The following TP63 variants were observed in gnomAD, a reference collection of about 807,000 sequenced individuals.
The protein encoded by TP63 is tumor protein 63.
TP63 carries 17 observed loss-of-function variants against 82.8 expected under a neutral mutation model. The observed-to-expected ratio is 0.21, with a 90% CI of 0.14 to 0.31. TP63 has a LOEUF of 0.31. TP63 is among the 10% of genes least tolerant of loss of function. The pLI, the probability that TP63 is intolerant of heterozygous loss-of-function variation, is 1.00. For missense variants in TP63, 648 were observed against 895.3 expected (o/e 0.72, Z 3.52); for synonymous variants, 330 against 321.7 (o/e 1.03, Z -0.28).
intron 3 of TP63, among the ~76,000 whole-genome samples, chr3:189,739,861 A>G (rs2108505101): frequency 6.6e-6 from 1 of 150,890 alleles, no homozygotes; most frequent in Admixed American, 6.6e-5. Context: ...CTAGAAAACT[A>G]GTGGGGGGAA....
At chr3:189,713,994 A>G (rs1189017172) in intron 1 of TP63, among the ~76,000 whole-genome samples, 1 of 152,196 alleles carries the variant, frequency 6.6e-6, no homozygotes, top group African/African-American at 2.4e-5. Context: ...TACGGTTTTA[A>G]TAGTTTCTGT....
intron 4 of TP63, among the ~76,000 whole-genome samples, chr3:189,854,272 C>A (rs1463317672): frequency 2.0e-5 from 3 of 152,168 alleles, no homozygotes; most frequent in Non-Finnish European, 4.4e-5. Context: ...CTTTTGTTGT[C>A]CAGGCCGGAG....
intron 4 of TP63, among the ~76,000 whole-genome samples, chr3:189,853,027 C>A (rs186584760): frequency 1.3e-5 from 2 of 152,122 alleles, no homozygotes; most frequent in Non-Finnish European, 2.9e-5. Flanking sequence ...GTTTAAATAT[C>A]ACTACCTCTA....
At chr3:189,794,557 G>T (rs1208875672) in intron 3 of TP63, among the ~76,000 whole-genome samples, 1 of 152,008 alleles carries the variant, frequency 6.6e-6, no homozygotes, top group Non-Finnish European at 1.5e-5. Flanking sequence ...AGGAGTGAAT[G>T]CTGGTACACT....
At chr3:189,772,513 CCA>C (rs1723454022) in intron 3 of TP63, among the ~76,000 whole-genome samples, 1 of 152,184 alleles carries the variant, frequency 6.6e-6, no homozygotes, top group South Asian at 2.1e-4. Flanking sequence ...TTAGTATGTT[CCA>C]TAGTTGCTCT....
At chr3:189,696,200 C>T (rs911340098) in intron 1 of TP63, among the ~76,000 whole-genome samples, 5 of 152,112 alleles carry the variant, frequency 3.3e-5, no homozygotes, top group Admixed American at 1.3e-4. Context: ...ATCTATTCAT[C>T]CTTTCCCTGC....
At chr3:189,846,743 A>G (rs1054786696) in intron 4 of TP63, among the ~76,000 whole-genome samples, 27 of 135,808 alleles carry the variant, frequency 2.0e-4, no homozygotes, top group African/African-American at 7.6e-4. Context: ...CTGTAGTGCA[A>G]TGGTGTGATC....
intron 4 of TP63, among the ~76,000 whole-genome samples, chr3:189,851,729 G>A (rs539782277): frequency 3.3e-5 from 5 of 152,218 alleles, no homozygotes; most frequent in African/African-American, 4.8e-5. Flanking sequence ...GCACCAACCC[G>A]GGCAGAAATA....
chr3:189,861,506 A>C (rs576656545), intron 4 of TP63, among the ~76,000 whole-genome samples: 1 of 152,244 alleles, frequency 6.6e-6, no homozygotes, highest in South Asian at 2.1e-4. Context: ...TCCTCAATAA[A>C]CCATGTTAAA....
intron 3 of TP63, among the ~76,000 whole-genome samples, chr3:189,761,414 CA>C (rs1231644212): frequency 6.6e-6 from 1 of 152,188 alleles, no homozygotes; most frequent in Non-Finnish European, 1.5e-5. Context: ...ATCTGTAGGG[CA>C]GGGGCAAAAT....
chr3:189,861,103 G>C (rs1716981775), intron 4 of TP63, among the ~76,000 whole-genome samples: 1 of 151,788 alleles, frequency 6.6e-6, no homozygotes, highest in African/African-American at 2.4e-5. Context: ...GTTTAGTAGA[G>C]ACTGGATTTC....
chr3:189,716,699 T>C (rs1310294411), intron 1 of TP63, among the ~76,000 whole-genome samples: 4 of 152,164 alleles, frequency 2.6e-5, no homozygotes, highest in Non-Finnish European at 5.9e-5. Context: ...GCATTCTTTT[T>C]CCCCTTTGGC....
intron 3 of TP63, among the ~76,000 whole-genome samples, chr3:189,764,090 C>G (rs565113346): frequency 1.8e-4 from 28 of 152,240 alleles, no homozygotes; most frequent in African/African-American, 6.0e-4. Context: ...ACTCTGCACC[C>G]TTGTATGCTC....
At chr3:189,822,939 G>T (rs1410593426) in intron 4 of TP63, among the ~76,000 whole-genome samples, 1 of 152,300 alleles carries the variant, frequency 6.6e-6, no homozygotes, top group South Asian at 2.1e-4. Context: ...CAGTGGTGGT[G>T]AGTTCTCCAC....
chr3:189,597,752 C>T, the TP63 span, among the ~76,000 whole-genome samples: 24 of 151,920 alleles, frequency 1.6e-4, no homozygotes, highest in Non-Finnish European at 2.4e-4. Flanking sequence ...TGGTGAAACC[C>T]CGTCTATACT....
intron 3 of TP63, among the ~76,000 whole-genome samples, chr3:189,803,334 G>A (rs1282897779): frequency 6.6e-6 from 1 of 152,068 alleles, no homozygotes; most frequent in Non-Finnish European, 1.5e-5. Flanking sequence ...ATAAATTGGT[G>A]GAGAGAGATT....
chr3:189,683,275 G>T (rs1041691361), intron 1 of TP63, among the ~76,000 whole-genome samples: 5 of 152,110 alleles, frequency 3.3e-5, no homozygotes, highest in African/African-American at 9.7e-5. Context: ...ACAGCTCTGA[G>T]ATAAATATCA....
chr3:189,675,110 A>G (rs1577218061), intron 1 of TP63, among the ~76,000 whole-genome samples: 1 of 152,238 alleles, frequency 6.6e-6, no homozygotes, highest in East Asian at 1.9e-4. Context: ...TTCCTTATTC[A>G]TAGATGATAC....
chr3:189,897,264 A>G lies in TP63; in HGVS notation c.*2762A>G, dbSNP rs1721549798. 5.2e-6 allele frequency: 1 copy of G among 192,856 alleles called. No individual in the cohort carries two copies. 11.9% of individuals were successfully genotyped at this position (192,856 alleles called of 1,614,324 possible). A position where few individuals can be genotyped will look rare whatever the true frequency, so the allele number is the denominator to read the frequency against. ...AATAAAATTTAAAAAATAAATAAAA[A>G]CTAATTAAGAAATTGTGTGTGTGTC... On this transcript the variant is annotated 3_prime_UTR_variant, in exon 14 of 14. Coordinates refer to ENST00000264731, the MANE Select transcript of TP63 (RefSeq NM_003722.5).
Sources: gnomAD v4.1 joint callset for allele counts (sites outside exome capture counted in the v4.1 genomes callset) on GRCh38, gnomAD v4.1.1 for gene constraint, MANE v1.5 for transcripts, NCBI Gene and HGNC (gene_info 2026-07-23, HGNC 2026-07-21) for gene names.